The following ZBTB16 variants were observed in gnomAD, a reference collection of about 807,000 sequenced individuals.
ZBTB16 encodes the protein zinc finger and BTB domain-containing protein 16.
Under a neutral mutation model 56.8 loss-of-function variants are expected in ZBTB16, and 8 were observed. The ratio of observed to expected loss-of-function variants is 0.14; its 90% CI spans 0.08 to 0.25. The LOEUF (loss-of-function observed/expected upper bound fraction) is 0.25, where lower values mean the gene tolerates loss of function less well. Ranked by LOEUF, ZBTB16 falls within the 10% of genes least tolerant of loss-of-function variation. The pLI is 1.00. For synonymous variants in ZBTB16, 363 were observed against 368.5 expected (o/e 0.98, Z 0.17); for missense variants, 625 against 903.0 (o/e 0.69, Z 3.95).
chr11:114,063,177 T>C lies in ZBTB16; in HGVS notation c.-90-34T>C. On this transcript the variant is annotated intron_variant, in intron 1 of 6. Transcript: ENST00000335953. The surrounding 1 kb of genome is among the most constrained non-coding windows in gnomAD (Gnocchi z 6.5). ...GATGAATTTGTCTTTTGTTCTCTCA[T>C]CTCTTTTGCTTCTTCCCCTCTTCTT... 9.3e-7 allele frequency: 1 copy of C among 1,076,056 alleles called. No homozygotes were observed. The highest frequency in any genetic ancestry group is 1.4e-6 in the Non-Finnish European group (1 of 733,970). 66.7% of individuals were successfully genotyped at this position (1,076,056 alleles called of 1,614,324 possible).
intron 2 of ZBTB16, among the ~76,000 whole-genome samples, chr11:114,091,894 C>G (rs1384727246): frequency 1.3e-5 from 2 of 152,146 alleles, no homozygotes; most frequent in Admixed American, 6.5e-5. Flanking sequence ...ACCATTTAAA[C>G]AAGTGCTTTG....
intron 4 of ZBTB16, among the ~76,000 whole-genome samples, chr11:114,200,534 G>A (rs1943715229): frequency 6.6e-6 from 1 of 152,142 alleles, no homozygotes; most frequent in African/African-American, 2.4e-5. Context: ...CACTGATGAG[G>A]AATCACAGGC....
chr11:114,186,011 C>T (rs147541274), intron 3 of ZBTB16, among the ~76,000 whole-genome samples: 198 of 152,262 alleles, frequency 1.3e-3, no homozygotes, highest in African/African-American at 4.5e-3. Context: ...AGTCCCTCCT[C>T]CAGGGAGCTT....
At chr11:114,237,566 C>T (rs1420273873) in intron 4 of ZBTB16, among the ~76,000 whole-genome samples, 1 of 152,240 alleles carries the variant, frequency 6.6e-6, no homozygotes, top group Non-Finnish European at 1.5e-5. Context: ...CATCTCACTG[C>T]AGCTAATGAA....
intron 3 of ZBTB16, among the ~76,000 whole-genome samples, chr11:114,171,491 C>T (rs1942966736): frequency 6.6e-6 from 1 of 152,200 alleles, no homozygotes. Context: ...TGGCCTGCCT[C>T]ACCTCTGGCC....
chr11:114,152,626 A>G (rs1325908662), intron 2 of ZBTB16, among the ~76,000 whole-genome samples: 1 of 152,222 alleles, frequency 6.6e-6, no homozygotes, highest in Non-Finnish European at 1.5e-5. Context: ...GACCTGAAGC[A>G]TATGGGGCAA....
intron 4 of ZBTB16, among the ~76,000 whole-genome samples, chr11:114,215,930 A>AG (rs1295443396): frequency 6.6e-6 from 1 of 152,204 alleles, no homozygotes; most frequent in Non-Finnish European, 1.5e-5. Context: ...TACAGCACTC[A>AG]GGGAGACAGC....
chr11:114,065,109 TCTC>T (rs1360489153), intron 2 of ZBTB16, among the ~76,000 whole-genome samples: 1 of 152,160 alleles, frequency 6.6e-6, no homozygotes, highest in Non-Finnish European at 1.5e-5. Flanking sequence ...TGAAAGTTAA[TCTC>T]CTTGCTCTGT....
chr11:114,247,465 G>C, intron 6 of ZBTB16, 100 bp downstream of exon 6: 1 of 1,532,258 alleles, frequency 6.5e-7, no homozygotes, highest in South Asian at 1.2e-5. Flanking sequence ...ATGATCCCAG[G>C]CTGAATCAAA....
intron 2 of ZBTB16, among the ~76,000 whole-genome samples, chr11:114,140,721 G>T (rs1041964909): frequency 6.6e-6 from 1 of 152,188 alleles, no homozygotes; most frequent in African/African-American, 2.4e-5. Flanking sequence ...CTGTGCTCGG[G>T]AGTAGATGGA....
At position 114,063,317 on chromosome 11, in the gene ZBTB16, T is replaced by C. The variant is rs1346288382; in HGVS notation, c.17T>C (p.Met6Thr). MDLTK[M>T]GMIQLQNPSH... ...GGGAGCACCATGGATCTGACAAAAA[T>C]GGGCATGATCCAGCTGCAGAACCCT... is the stretch of plus-strand genomic sequence containing the variant. The change falls in exon 2 of 7, where the codon ATG becomes ACG. Residue 6 changes from methionine (M) to threonine (T), a missense_variant. Physicochemically the swap from Met to Thr is moderately conservative, Grantham distance 81. Coordinates refer to ENST00000335953, the MANE Select transcript of ZBTB16 (RefSeq NM_006006.6). The surrounding 1 kb of genome is among the most constrained non-coding windows in gnomAD (Gnocchi z 6.5). 1.2e-6 allele frequency: 2 copies of C among 1,613,534 alleles called. No individual in the cohort carries two copies. Among genetic ancestry groups the C allele is most frequent in the Non-Finnish European group, 8.5e-7 (1 of 1,179,992 alleles).
intron 2 of ZBTB16, among the ~76,000 whole-genome samples, chr11:114,110,833 A>C (rs755742468): frequency 2.0e-5 from 3 of 152,210 alleles, no homozygotes; most frequent in Admixed American, 6.5e-5. Flanking sequence ...TTGGAAATGA[A>C]GTTGGGTTAA....
At chr11:114,124,366 ACCCCCAAATGC>A (rs1356203839) in intron 2 of ZBTB16, among the ~76,000 whole-genome samples, 1 of 151,666 alleles carries the variant, frequency 6.6e-6, no homozygotes, top group Non-Finnish European at 1.5e-5. Flanking sequence ...CCTCAGATTT[ACCCCCAAATGC>A]TTCTCCCACC....
chr11:114,180,367 G>T lies in ZBTB16; in HGVS notation c.1367-6585G>T, dbSNP rs559783964. ...AATCTCAGATAAACTCAGTGCCTGG[G>T]GTAGGGAGTAGTCACTCGGCAGATC... On this transcript the variant is annotated intron_variant, in intron 3 of 6. Transcript: ENST00000335953. Among the ~76,000 whole-genome samples the T allele has an allele frequency of 2.6e-5, 4 of 152,322 alleles. No individual in the cohort carries two copies. In the East Asian group the frequency reaches 7.7e-4, roughly 29 times the overall value.
Position 114,254,707 on chromosome 11 carries a change from C to G in ZBTB16, c.*4152C>G, listed in dbSNP as rs1217646594. Among the ~76,000 whole-genome samples the G allele has an allele frequency of 6.6e-6, 1 of 152,204 alleles. No homozygotes were observed. The highest frequency in any genetic ancestry group is 1.5e-5 in the Non-Finnish European group (1 of 68,024). On this transcript the variant is annotated 3_prime_UTR_variant, in exon 7 of 7. Coordinates refer to ENST00000335953, the MANE Select transcript of ZBTB16 (RefSeq NM_006006.6). ...GCCCATCCTGTGGTCATCTTTCCCC[C>G]TCCCATCATACCTCCTCCTTCCTGG...
intron 4 of ZBTB16, among the ~76,000 whole-genome samples, chr11:114,236,438 C>T (rs989879558): frequency 1.3e-5 from 2 of 152,152 alleles, no homozygotes; most frequent in Non-Finnish European, 1.5e-5. Flanking sequence ...AAAACTGATC[C>T]TTCTATGGTC....
chr11:114,108,827 A>G (rs1365533304), intron 2 of ZBTB16, among the ~76,000 whole-genome samples: 2 of 152,208 alleles, frequency 1.3e-5, no homozygotes, highest in Non-Finnish European at 2.9e-5. Context: ...CTGGAAATCA[A>G]ATGCAGGTTT....
chr11:114,182,250 A>G (rs962879092), intron 3 of ZBTB16, among the ~76,000 whole-genome samples: 1 of 152,136 alleles, frequency 6.6e-6, no homozygotes, highest in African/African-American at 2.4e-5. Context: ...GGGTTTCACC[A>G]TGTTGGCCAG....
chr11:114,064,796 G>A lies in ZBTB16; in HGVS notation c.1268+228G>A, dbSNP rs1164257880. Among the ~76,000 whole-genome samples the A allele has an allele frequency of 2.0e-5, 3 of 152,218 alleles. No individual in the cohort carries two copies. The highest frequency in any genetic ancestry group is 4.4e-5 in the Non-Finnish European group (3 of 68,032). ...AAAGCACCAGGGGACACTCATGGGC[G>A]CAGCTTCTTAATAGGCCCTTCCCTT... On this transcript the variant is annotated intron_variant, in intron 2 of 6. Coordinates refer to ENST00000335953, the MANE Select transcript of ZBTB16 (RefSeq NM_006006.6). The surrounding 1 kb of genome is among the most constrained non-coding windows in gnomAD (Gnocchi z 4.2).
Sources: allele counts gnomAD v4.1 joint callset (sites outside exome capture counted in the v4.1 genomes callset), GRCh38; gene constraint gnomAD v4.1.1; non-coding constraint Gnocchi (gnomAD v3.1); transcripts MANE v1.5; gene names NCBI Gene and HGNC (gene_info 2026-07-23, HGNC 2026-07-21).